The following SPAST variants were observed in gnomAD, a reference collection of about 807,000 sequenced individuals.
SPAST encodes spastin.
Under a neutral mutation model 76.6 loss-of-function variants are expected in SPAST, and 30 were observed. That is an observed-to-expected ratio of 0.39 (90% confidence interval 0.29 to 0.53). The LOEUF is 0.53. Among genes scored for constraint, SPAST ranks in the 20% least tolerant of loss-of-function variants. The pLI is 0.68. For missense variants in SPAST, 717 were observed against 770.5 expected, an observed-to-expected ratio of 0.93 and a Z score of 0.82; for synonymous variants, 305 against 281.0, an observed-to-expected ratio of 1.09 and a Z score of -0.86.
At chr2:32,125,969 G>A (rs970367834) in intron 7 of SPAST, among the ~76,000 whole-genome samples, 2 of 152,016 alleles carry the variant, frequency 1.3e-5, no homozygotes, top group African/African-American at 4.8e-5. Context: ...TAATTTTTTT[G>A]TATTTTTAGT....
intron 1 of SPAST, among the ~76,000 whole-genome samples, chr2:32,067,723 A>G (rs1050979509): frequency 4.7e-5 from 7 of 149,934 alleles, no homozygotes; most frequent in African/African-American, 1.5e-4. Context: ...AGCTCACTGC[A>G]GCCTCAAGGC....
chr2:32,120,030 T>C (rs967342103), intron 7 of SPAST, among the ~76,000 whole-genome samples: 3 of 151,806 alleles, frequency 2.0e-5, no homozygotes, highest in Non-Finnish European at 4.4e-5. Flanking sequence ...TTCTTTCTTT[T>C]TTTTTTTTTG....
intron 3 of SPAST, among the ~76,000 whole-genome samples, chr2:32,096,185 A>G (rs1250822158): frequency 6.6e-6 from 1 of 152,214 alleles, no homozygotes; most frequent in Non-Finnish European, 1.5e-5. Flanking sequence ...CTGTAATCCC[A>G]GTACTTTGGG....
intron 7 of SPAST, among the ~76,000 whole-genome samples, chr2:32,119,859 C>T (rs1365865492): frequency 6.6e-6 from 1 of 152,098 alleles, no homozygotes; most frequent in Non-Finnish European, 1.5e-5. Context: ...TCATAGATCT[C>T]TTCTGTATCC....
chr2:32,087,239 A>G (rs1323007187), intron 1 of SPAST, among the ~76,000 whole-genome samples: 1 of 152,230 alleles, frequency 6.6e-6, no homozygotes, highest in Non-Finnish European at 1.5e-5. Flanking sequence ...TTTAGGTTAT[A>G]AGGATCAATA....
At chr2:32,076,248 A>G (rs1056124068) in intron 1 of SPAST, among the ~76,000 whole-genome samples, 2 of 152,182 alleles carry the variant, frequency 1.3e-5, no homozygotes, top group Non-Finnish European at 2.9e-5. Flanking sequence ...TTTAAGGGTC[A>G]AAGAAAATGT....
At chr2:32,118,307 T>G (rs1199086271) in intron 7 of SPAST, among the ~76,000 whole-genome samples, 1 of 152,216 alleles carries the variant, frequency 6.6e-6, no homozygotes, top group Admixed American at 6.5e-5. Context: ...TAGAACTTAC[T>G]GAATATTTTT....
At chr2:32,125,055 G>C (rs1487877133) in intron 7 of SPAST, among the ~76,000 whole-genome samples, 1 of 151,926 alleles carries the variant, frequency 6.6e-6, no homozygotes, top group Admixed American at 6.6e-5. Flanking sequence ...AATAATATAT[G>C]AATATTTTTT....
chr2:32,113,847 G>A (rs1364955874), intron 4 of SPAST, among the ~76,000 whole-genome samples: 2 of 151,996 alleles, frequency 1.3e-5, no homozygotes, highest in African/African-American at 2.4e-5. Flanking sequence ...GATTACAGGT[G>A]TGAGCCATCG....
intron 4 of SPAST, among the ~76,000 whole-genome samples, chr2:32,110,782 A>C (rs1017259374): frequency 7.1e-6 from 1 of 140,702 alleles, no homozygotes; most frequent in Non-Finnish European, 1.5e-5. Flanking sequence ...ATAGTATACT[A>C]TATATAGTAT....
intron 4 of SPAST, among the ~76,000 whole-genome samples, chr2:32,112,767 GTTTAGAGTC>G (rs1678665311): frequency 6.6e-6 from 1 of 151,854 alleles, no homozygotes; most frequent in Non-Finnish European, 1.5e-5. Flanking sequence ...TCCTATACTA[GTTTAGAGTC>G]TTTAGTTTTC....
chr2:32,108,015 G>T (rs1678390746), intron 4 of SPAST, among the ~76,000 whole-genome samples: 1 of 151,908 alleles, frequency 6.6e-6, no homozygotes, highest in Admixed American at 6.6e-5. Flanking sequence ...TACTAGACAG[G>T]CAAAGAAAAA....
At chr2:32,122,448 A>T (rs1223350494) in intron 7 of SPAST, among the ~76,000 whole-genome samples, 4 of 152,086 alleles carry the variant, frequency 2.6e-5, no homozygotes, top group African/African-American at 9.7e-5. Context: ...CAGCCTCCCA[A>T]GTAGCTGGGA....
intron 8 of SPAST, chr2:32,128,078 TCTTC>T (rs1477439054): frequency 1.6e-5 from 5 of 321,574 alleles, no homozygotes; most frequent in Non-Finnish European, 3.0e-5. Flanking sequence ...CACTACCATC[TCTTC>T]CTTCTGGGTT....
intron 1 of SPAST, among the ~76,000 whole-genome samples, chr2:32,085,620 G>A (rs992924729): frequency 7.9e-5 from 12 of 152,132 alleles, no homozygotes; most frequent in African/African-American, 2.4e-4. Context: ...ATAAGAAATT[G>A]ACCTGTTTAA....
chr2:32,147,339 T>C (rs1679922161), intron 16 of SPAST, 81 bp downstream of exon 16: 1 of 640,566 alleles, frequency 1.6e-6, no homozygotes, highest in Non-Finnish European at 2.5e-6. Flanking sequence ...AATGTGTGTG[T>C]GTGTGGTTTT....
rs1204567939 is a variant in SPAST at position 32,063,608 on chromosome 2, A to AG, written c.-220dup. ...GCGGAGAGGACAGCGACAGGAAGGGAGGGGCCCGAGCCACCGACTGCAGGA... is the reference window on the plus strand; with the variant it reads ...GCGGAGAGGACAGCGACAGGAAGGGAGGGGGCCCGAGCCACCGACTGCAGGA... On this transcript the variant is annotated 5_prime_UTR_variant, in exon 1 of 17. Transcript: ENST00000315285. 7.0e-6 allele frequency: 4 copies of AG among 568,640 alleles called. No homozygotes were observed. The highest frequency in any genetic ancestry group is 1.2e-5 in the Non-Finnish European group (4 of 329,298). 35.2% of individuals were successfully genotyped at this position (568,640 alleles called of 1,614,324 possible).
intron 4 of SPAST, among the ~76,000 whole-genome samples, chr2:32,110,933 C>G (rs1678566128): frequency 2.5e-5 from 1 of 40,140 alleles, no homozygotes; most frequent in Admixed American, 3.6e-4. Flanking sequence ...AGTATATATA[C>G]AGTATACTAT....
chr2:32,128,643 G>A (rs1679276080), intron 9 of SPAST, 164 bp downstream of exon 9: 2 of 633,872 alleles, frequency 3.2e-6, no homozygotes, highest in African/African-American at 3.7e-5. Flanking sequence ...AGAAAGTTAT[G>A]TACATTTGTG....
Sources: allele counts gnomAD v4.1 joint callset (sites outside exome capture counted in the v4.1 genomes callset), GRCh38; gene constraint gnomAD v4.1.1; transcripts MANE v1.5; gene names NCBI Gene and HGNC (gene_info 2026-07-23, HGNC 2026-07-21).